Variants in SPAG17 observed in about 807,000 individuals in gnomAD.
SPAG17 encodes the protein sperm associated antigen 17, also known as sperm-associated antigen 17.
Under a neutral mutation model 273.6 loss-of-function variants are expected in SPAG17, and 169 were observed. The ratio of observed to expected loss-of-function variants is 0.62; its 90% CI spans 0.55 to 0.70. The LOEUF (loss-of-function observed/expected upper bound fraction) is 0.70. Among genes scored for constraint, SPAG17 ranks in the 30% least tolerant of loss-of-function variants. SPAG17 has a pLI of 0.00. For synonymous variants in SPAG17, 825 were observed against 873.2 expected, an observed-to-expected ratio of 0.94 and a Z score of 0.97; for missense variants, 2,557 against 2,627.8, an observed-to-expected ratio of 0.97 and a Z score of 0.59.
intron 2 of SPAG17, 148 bp from the exon 3 acceptor site, chr1:118,150,777 G>A (rs548577637): frequency 4.1e-5 from 22 of 542,526 alleles, no homozygotes; most frequent in Non-Finnish European, 6.9e-5. Context: ...AATATTTATA[G>A]TTACTTCGTA....
intron 4 of SPAG17, among the ~76,000 whole-genome samples, chr1:118,102,366 A>G (rs1035702676): frequency 6.6e-6 from 1 of 152,246 alleles, no homozygotes; most frequent in African/African-American, 2.4e-5. Context: ...CAAGAATTAA[A>G]AATAAAAAGG....
Position 118,184,988 on chromosome 1 carries a change from G to A in SPAG17, c.87+83C>T, listed in dbSNP as rs915963403. On this transcript the variant is annotated intron_variant, in intron 1 of 48. Transcript: ENST00000336338. ...CGGAGAGATACGGAAGAGAGGGCGA[G>A]CCTTAAGGCGTCGCCTAGGAGGGTC... The A allele has an allele frequency of 7.7e-6, 9 of 1,172,132 alleles. No homozygotes were observed. In the African/African-American group the frequency reaches 9.1e-5, roughly 12 times the overall value. 72.6% of individuals were successfully genotyped at this position (1,172,132 alleles called of 1,614,324 possible).
intron 29 of SPAG17, among the ~76,000 whole-genome samples, chr1:118,013,165 T>C (rs1659641762): frequency 6.6e-6 from 1 of 152,232 alleles, no homozygotes; most frequent in South Asian, 2.1e-4. Context: ...TACTGTAAAT[T>C]GCATAATGCA....
At chr1:118,184,586 T>C (rs1377607776) in intron 1 of SPAG17, among the ~76,000 whole-genome samples, 2 of 152,218 alleles carry the variant, frequency 1.3e-5, no homozygotes, top group Admixed American at 1.3e-4. Context: ...CATCTTTTCC[T>C]ATCTATACAA....
intron 43 of SPAG17, among the ~76,000 whole-genome samples, chr1:117,979,735 AG>A (rs780126441): frequency 2.8e-4 from 43 of 152,260 alleles, no homozygotes; most frequent in Middle Eastern, 3.4e-3. Flanking sequence ...AATTTGTTCT[AG>A]CTACATGCCT....
intron 1 of SPAG17, among the ~76,000 whole-genome samples, chr1:118,166,733 C>A (rs577019569): frequency 5.3e-5 from 8 of 152,056 alleles, no homozygotes; most frequent in Non-Finnish European, 1.0e-4. Flanking sequence ...TCTAGCCCCA[C>A]CAGATCAACA....
chr1:117,987,051 C>CT (rs1656497721), intron 40 of SPAG17, among the ~76,000 whole-genome samples: 2 of 152,226 alleles, frequency 1.3e-5, no homozygotes, highest in East Asian at 3.9e-4. Flanking sequence ...TTAGATTGTG[C>CT]TTTTTTGCCC....
Position 118,149,813 on chromosome 1 carries a change from G to C in SPAG17, c.315+730C>G, listed in dbSNP as rs529618732. 1.4e-3 allele frequency among the ~76,000 whole-genome samples: 209 copies of C among 152,300 alleles called. 2 individuals carry two copies. Among genetic ancestry groups the C allele is most frequent in the Middle Eastern group, 0.01 (3 of 294 alleles). ...TTTAGGTCGGCTGCTCCATAAAACA[G>C]TGCCTGACAAATTTTAAGTGATATT... On this transcript the variant is annotated intron_variant, in intron 3 of 48. Transcript: ENST00000336338.
chr1:118,080,390 T>C (rs1654447004), intron 15 of SPAG17, among the ~76,000 whole-genome samples: 1 of 152,078 alleles, frequency 6.6e-6, no homozygotes, highest in African/African-American at 2.4e-5. Context: ...GCAGAGTAAA[T>C]AGGCCTAATT....
intron 41 of SPAG17, among the ~76,000 whole-genome samples, chr1:117,984,208 G>A (rs190463789): frequency 6.6e-5 from 10 of 152,282 alleles, no homozygotes; most frequent in Admixed American, 4.6e-4. Context: ...TGGGAAGGTC[G>A]GGGCTGTGGT....
intron 7 of SPAG17, among the ~76,000 whole-genome samples, chr1:118,097,410 C>T (rs942776796): frequency 2.0e-5 from 3 of 152,148 alleles, no homozygotes; most frequent in African/African-American, 4.8e-5. Flanking sequence ...CACGTGTCAC[C>T]ATATAAAAGA....
At chr1:117,984,805 T>A (rs1260056059) in intron 40 of SPAG17, 23 bp from the exon 41 acceptor site, 12 of 1,430,694 alleles carry the variant, frequency 8.4e-6, no homozygotes, top group Non-Finnish European at 1.2e-5. Flanking sequence ...TCCATGATGA[T>A]GCAAAAGAAG....
chr1:118,040,641 G>C (rs76808001), intron 22 of SPAG17, 89 bp downstream of exon 22: 4 of 824,638 alleles, frequency 4.9e-6, no homozygotes, highest in Non-Finnish European at 8.3e-6. Flanking sequence ...TAACACTCTC[G>C]CCTATCAAAC....
chr1:117,971,803 AAGACAAGTCACAGGGT>A (rs1654591764), intron 45 of SPAG17, 44 bp downstream of exon 45: 5 of 1,454,296 alleles, frequency 3.4e-6, no homozygotes, highest in Non-Finnish European at 4.7e-6. Flanking sequence ...GAGGTGACCA[AAGACAAGTCACAGGGT>A]AGGGAAAGGT....
intron 43 of SPAG17, among the ~76,000 whole-genome samples, chr1:117,975,852 T>C (rs959127573): frequency 2.0e-5 from 3 of 152,210 alleles, no homozygotes; most frequent in Non-Finnish European, 2.9e-5. Flanking sequence ...GCTTTGTGTG[T>C]ATGCATGTAT....
chr1:118,180,018 A>G (rs1052365153), intron 1 of SPAG17, among the ~76,000 whole-genome samples: 4 of 152,162 alleles, frequency 2.6e-5, no homozygotes, highest in Middle Eastern at 3.4e-3. Context: ...TACAGACACT[A>G]TAGAAAACTG....
At chr1:118,120,167 A>T (rs1432806110) in intron 3 of SPAG17, among the ~76,000 whole-genome samples, 1 of 152,108 alleles carries the variant, frequency 6.6e-6, no homozygotes, top group African/African-American at 2.4e-5. Context: ...TTATTTGTTG[A>T]TATTAGTGCT....
intron 4 of SPAG17, among the ~76,000 whole-genome samples, chr1:118,110,605 G>T (rs1239328112): frequency 6.6e-6 from 1 of 152,168 alleles, no homozygotes; most frequent in Non-Finnish European, 1.5e-5. Flanking sequence ...ATTAAGTCAG[G>T]ATTTCCTTTG....
At chr1:118,094,322 A>G (rs183946687) in intron 7 of SPAG17, among the ~76,000 whole-genome samples, 96 of 152,352 alleles carry the variant, frequency 6.3e-4, no homozygotes, top group Admixed American at 1.1e-3. Flanking sequence ...TCATTTTAAA[A>G]TGAAACAGCA....
Sources: allele counts gnomAD v4.1 joint callset (sites outside exome capture counted in the v4.1 genomes callset), GRCh38; gene constraint gnomAD v4.1.1; transcripts MANE v1.5; gene names NCBI Gene and HGNC (gene_info 2026-07-23, HGNC 2026-07-21).